The following CLEC16A variants were observed in gnomAD, a reference collection of about 807,000 sequenced individuals.
The protein encoded by CLEC16A is C-type lectin domain containing 16A.
Under a neutral mutation model 109.5 loss-of-function variants are expected in CLEC16A, and 51 were observed. The observed-to-expected ratio is 0.47, with a 90% CI of 0.37 to 0.59. The LOEUF (loss-of-function observed/expected upper bound fraction) is 0.59. CLEC16A is among the 20% of genes least tolerant of loss of function. CLEC16A has a pLI of 0.00. For missense variants in CLEC16A, 1,339 were observed against 1,394.0 expected, an observed-to-expected ratio of 0.96 and a Z score of 0.63; for synonymous variants, 673 against 564.2, an observed-to-expected ratio of 1.19 and a Z score of -2.73.
At chr16:10,945,446 C>A (rs548270874) in intron 1 of CLEC16A, among the ~76,000 whole-genome samples, 1 of 152,144 alleles carries the variant, frequency 6.6e-6, no homozygotes, top group African/African-American at 2.4e-5. Flanking sequence ...AAAATAGAGA[C>A]CTCTGAGGAG....
At chr16:11,035,661 T>C (rs2046977315) in intron 13 of CLEC16A, among the ~76,000 whole-genome samples, 1 of 152,214 alleles carries the variant, frequency 6.6e-6, no homozygotes. Flanking sequence ...GAGGATGAAA[T>C]GAAGCATTCT....
intron 19 of CLEC16A, among the ~76,000 whole-genome samples, chr16:11,093,293 AT>A (rs1227203206): frequency 6.6e-6 from 1 of 152,182 alleles, no homozygotes; most frequent in Non-Finnish European, 1.5e-5. Context: ...GAGTTGGGAC[AT>A]TTGGAGAACA....
chr16:11,107,995 C>T (rs2051328409), intron 19 of CLEC16A, among the ~76,000 whole-genome samples: 1 of 152,238 alleles, frequency 6.6e-6, no homozygotes, highest in Admixed American at 6.5e-5. Context: ...GCCCCTCCTG[C>T]AGCTGCATTC....
At chr16:11,045,468 G>A (rs751999229) in intron 16 of CLEC16A, among the ~76,000 whole-genome samples, 9 of 152,100 alleles carry the variant, frequency 5.9e-5, no homozygotes, top group Non-Finnish European at 1.3e-4. Flanking sequence ...CTTACTGGAT[G>A]ACCTCATTAC....
chr16:11,039,403 T>A (rs1381808894), intron 13 of CLEC16A, among the ~76,000 whole-genome samples: 1 of 152,182 alleles, frequency 6.6e-6, no homozygotes, highest in African/African-American at 2.4e-5. Flanking sequence ...TTTTAATACA[T>A]TTATGTAAGT....
rs76368782 is a variant in CLEC16A at position 10,971,460 on chromosome 16, A to G, written c.598+230A>G. 4.5e-3 allele frequency: 3,098 copies of G among 688,986 alleles called. 17 individuals are homozygous for G. The highest frequency in any genetic ancestry group is 5.0e-3 in the Non-Finnish European group (2,823 of 559,228). 42.7% of individuals were successfully genotyped at this position (688,986 alleles called of 1,614,324 possible). ...AAGTCTTGCTCATGCTGCTACATAG[A>G]AGTAGGATGTCCTGAGAGGCACGTG... is the stretch of plus-strand genomic sequence containing the variant. On this transcript the variant is annotated intron_variant, in intron 5 of 23. Transcript: ENST00000409790.
At chr16:11,038,033 G>A (rs2047120048) in intron 13 of CLEC16A, among the ~76,000 whole-genome samples, 1 of 152,162 alleles carries the variant, frequency 6.6e-6, no homozygotes, top group Non-Finnish European at 1.5e-5. Context: ...ACCCACATTT[G>A]TGGGGCGTTT....
chr16:11,174,463 CAT>C lies in CLEC16A; in HGVS notation c.2807-3871_2807-3870del, dbSNP rs576857426. On this transcript the variant is annotated intron_variant, in intron 23 of 23. Transcript: ENST00000409790. This position sits in a 1 kb window ranked among gnomAD's most constrained non-coding sequence, Gnocchi z 4.7. ...CCCTGCTCCCTGTCTGGCCTCACCT[CAT>C]GTGAAGACCAGATCCCCGGCCCTTG... is the stretch of plus-strand genomic sequence containing the variant. 2.2e-4 allele frequency among the ~76,000 whole-genome samples: 34 copies of C among 152,398 alleles called. 2 individuals carry two copies. In the South Asian group the frequency reaches 7.0e-3, roughly 32 times the overall value.
At chr16:10,985,220 A>ATATATATATAT (rs1555526162) in intron 10 of CLEC16A, among the ~76,000 whole-genome samples, 45 of 104,074 alleles carry the variant, frequency 4.3e-4, no homozygotes, top group African/African-American at 1.7e-3. Flanking sequence ...AAAAAAAAAA[A>ATATATATATAT]ATATATATAT....
At chr16:11,101,167 A>C (rs995086417) in intron 19 of CLEC16A, among the ~76,000 whole-genome samples, 1 of 152,210 alleles carries the variant, frequency 6.6e-6, no homozygotes, top group African/African-American at 2.4e-5. Context: ...TAAGCTTCCA[A>C]TTAAGGGCCT....
intron 19 of CLEC16A, among the ~76,000 whole-genome samples, chr16:11,114,761 C>T (rs563939493): frequency 3.3e-5 from 5 of 152,166 alleles, no homozygotes; most frequent in Non-Finnish European, 7.4e-5. Context: ...TAAAATGATA[C>T]TGGCGGGACC....
At chr16:10,965,349 A>G (rs538858491) in intron 3 of CLEC16A, among the ~76,000 whole-genome samples, 1 of 152,384 alleles carries the variant, frequency 6.6e-6, no homozygotes, top group East Asian at 1.9e-4. Flanking sequence ...CACAGAAGAA[A>G]AAATGTCCTC....
chr16:10,971,445 C>T (rs2042782369), intron 5 of CLEC16A: 1 of 602,154 alleles, frequency 1.7e-6, no homozygotes. Flanking sequence ...AAGTCTTGCT[C>T]ATGCTGCTAC....
At chr16:11,068,368 A>G (rs2048878746) in intron 19 of CLEC16A, among the ~76,000 whole-genome samples, 1 of 152,250 alleles carries the variant, frequency 6.6e-6, no homozygotes, top group Non-Finnish European at 1.5e-5. Context: ...AGGATATTTT[A>G]TCGTAAAAAC....
At chr16:10,972,672 G>A (rs370250909) in intron 6 of CLEC16A, 113 bp downstream of exon 6, 23 of 1,022,932 alleles carry the variant, frequency 2.2e-5, no homozygotes, top group Non-Finnish European at 3.0e-5. Context: ...CTACTGATAA[G>A]TAGGCTCTCC....
In CLEC16A at chr16:11,166,488, C is replaced by G; in HGVS notation, c.2742C>G (p.Thr914=). Residue 914 remains threonine (T), a synonymous_variant, in exon 23 of 24, where the codon ACC becomes ACG. Transcript: ENST00000409790. ...ASGSPSGSGS[T]SHCDSGGTSS... ...GGAGCCCCAGCGGCAGCGGGAGCACCAGCCACTGCGACTCTGGAGGCACCA... is the reference window on the plus strand; with the variant it reads ...GGAGCCCCAGCGGCAGCGGGAGCACGAGCCACTGCGACTCTGGAGGCACCA... 3 of 1,609,538 alleles carry G rather than the reference C, an allele frequency of 1.9e-6. No individual in the cohort carries two copies. The highest frequency in any genetic ancestry group is 2.5e-6 in the Non-Finnish European group (3 of 1,179,734).
At chr16:11,038,955 G>A (rs1345286145) in intron 13 of CLEC16A, among the ~76,000 whole-genome samples, 3 of 152,154 alleles carry the variant, frequency 2.0e-5, no homozygotes, top group South Asian at 4.1e-4. Context: ...TGAGGGTGGG[G>A]CTCAGCTTTT....
chr16:11,143,190 C>G (rs2053916934), intron 22 of CLEC16A, among the ~76,000 whole-genome samples: 1 of 152,214 alleles, frequency 6.6e-6, no homozygotes, highest in Non-Finnish European at 1.5e-5. Context: ...AGCTTGCAGT[C>G]TTGTGAGAGT....
chr16:11,126,397 G>C, intron 22 of CLEC16A: 1 of 1,432,290 alleles, frequency 7.0e-7, no homozygotes, highest in South Asian at 1.5e-5. Context: ...GAACTTCTCA[G>C]AATTGACTAA....
Sources: allele counts gnomAD v4.1 joint callset (sites outside exome capture counted in the v4.1 genomes callset), GRCh38; gene constraint gnomAD v4.1.1; non-coding constraint Gnocchi (gnomAD v3.1); transcripts MANE v1.5; gene names NCBI Gene and HGNC (gene_info 2026-07-23, HGNC 2026-07-21).